The following TNRC6B variants were observed in gnomAD, a reference collection of about 807,000 sequenced individuals.
TNRC6B encodes the protein trinucleotide repeat-containing gene 6B protein.
Under a neutral mutation model 203.6 loss-of-function variants are expected in TNRC6B, and 52 were observed. That is an observed-to-expected ratio of 0.26 (90% CI 0.20 to 0.32). The LOEUF is 0.32. TNRC6B is among the 10% of genes least tolerant of loss of function. The probability of loss-of-function intolerance (pLI) is 1.00; values close to 1 mark genes in which losing one functional copy is unlikely to be tolerated. For synonymous variants in TNRC6B, 838 were observed against 845.7 expected (o/e 0.99, Z 0.16); for missense variants, 1,923 against 2,286.2 (o/e 0.84, Z 3.24).
intron 1 of TNRC6B, among the ~76,000 whole-genome samples, chr22:40,205,192 C>G (rs2069463645): frequency 6.6e-6 from 1 of 152,216 alleles, no homozygotes; most frequent in Non-Finnish European, 1.5e-5. Flanking sequence ...GATCTTTTGT[C>G]TGTTGCATTC....
In TNRC6B at chr22:40,251,164, CTGTT is replaced by C. The variant is rs1343413894; in HGVS notation, c.94-13_94-10del. ...AAAAGCAAATCTCATTTACTTTTATCTGTTTATTTTGCAGGTCACGGAACAAAAA... is the reference window on the plus strand; with the variant it reads ...AAAAGCAAATCTCATTTACTTTTATCTATTTTGCAGGTCACGGAACAAAAA... On this transcript the variant is annotated splice_polypyrimidine_tract_variant and intron_variant, in intron 2 of 22. Coordinates refer to ENST00000454349, the MANE Select transcript of TNRC6B (RefSeq NM_001162501.2). 6.5e-7 allele frequency: 1 copy of C among 1,531,742 alleles called. No individual in the cohort carries two copies. The highest frequency in any genetic ancestry group is 8.8e-7 in the Non-Finnish European group (1 of 1,136,326). The allele number at this position is 1,531,742 out of a possible 1,614,324, so 94.9% of individuals were successfully genotyped here. A position where few individuals can be genotyped will look rare whatever the true frequency, so the allele number is the denominator to read the frequency against.
chr22:40,221,565 G>C (rs2069708577), intron 1 of TNRC6B, among the ~76,000 whole-genome samples: 1 of 152,102 alleles, frequency 6.6e-6, no homozygotes, highest in Non-Finnish European at 1.5e-5. Context: ...TCAGCTTCCT[G>C]AGTAGCTGGG....
intron 4 of TNRC6B, among the ~76,000 whole-genome samples, chr22:40,162,055 G>T (rs140868189): frequency 2.6e-5 from 4 of 152,114 alleles, no homozygotes; most frequent in Admixed American, 6.6e-5. Flanking sequence ...TGGTCTAAAG[G>T]TTTGTGGGAA....
chr22:40,328,549 G>A lies in TNRC6B; in HGVS notation c.*5308G>A, dbSNP rs1423514588. ...TTTTACCACTTTTTTTTTTGGGTGA[G>A]GGGGTGATTTTTGTAAGGTTAACAG... is the stretch of plus-strand genomic sequence containing the variant. On this transcript the variant is annotated 3_prime_UTR_variant, in exon 23 of 23. Coordinates refer to ENST00000454349, the MANE Select transcript of TNRC6B (RefSeq NM_001162501.2). The A allele has an allele frequency of 4.6e-5, 7 of 152,088 alleles. No homozygotes were observed. Among genetic ancestry groups the A allele is most frequent in the African/African-American group, 1.7e-4 (7 of 41,502 alleles). The allele number at this position is 152,088 out of a possible 1,614,324, so 9.4% of individuals were successfully genotyped here. A position where few individuals can be genotyped will look rare whatever the true frequency, so the allele number is the denominator to read the frequency against.
intron 21 of TNRC6B, among the ~76,000 whole-genome samples, chr22:40,319,529 G>A (rs577847125): frequency 1.3e-5 from 2 of 151,004 alleles, no homozygotes; most frequent in East Asian, 2.0e-4. Flanking sequence ...GGGTTAATGC[G>A]GTTCTCATGT....
intron 15 of TNRC6B, among the ~76,000 whole-genome samples, chr22:40,304,080 A>T (rs939316106): frequency 1.3e-5 from 2 of 152,244 alleles, no homozygotes; most frequent in Non-Finnish European, 2.9e-5. Context: ...TTAAATGCCG[A>T]AGATGTAATG....
At chr22:40,148,324 G>GCAC (rs2068713095) in intron 3 of TNRC6B, among the ~76,000 whole-genome samples, 2 of 130,430 alleles carry the variant, frequency 1.5e-5, no homozygotes, top group Non-Finnish European at 3.1e-5. Context: ...TTGCTCTGTT[G>GCAC]CCAGGCTGCA....
In TNRC6B at chr22:40,178,079, A is replaced by G. The variant is rs908891877; in HGVS notation, c.-57A>G. The G allele has an allele frequency of 1.1e-5, 17 of 1,595,872 alleles. No individual in the cohort carries two copies. In the Admixed American group the frequency reaches 3.1e-4, roughly 29 times the overall value. ...GAATTCATTTTTTGGACCTTTTTTC[A>G]TTTCCATTTCTACCTTGTATGCCTC... On this transcript the variant is annotated 5_prime_UTR_variant, in exon 1 of 23. Transcript: ENST00000454349.
At chr22:40,301,061 T>C (rs1411056609) in intron 14 of TNRC6B, 56 bp downstream of exon 14, 1 of 1,579,744 alleles carries the variant, frequency 6.3e-7, no homozygotes, top group East Asian at 2.3e-5. Flanking sequence ...CATCCCGGCT[T>C]AGCCTCTGAT....
At chr22:40,250,682 C>T (rs2070179498) in intron 2 of TNRC6B, among the ~76,000 whole-genome samples, 1 of 152,080 alleles carries the variant, frequency 6.6e-6, no homozygotes, top group South Asian at 2.1e-4. Flanking sequence ...GGTCTCATAG[C>T]CAGAAAGTGA....
chr22:40,048,939 C>G (rs369130808), intron 1 of TNRC6B, among the ~76,000 whole-genome samples: 6 of 152,200 alleles, frequency 3.9e-5, no homozygotes, highest in South Asian at 2.1e-4. Context: ...CCCGCTCCCC[C>G]CTCCCAACTT....
chr22:40,087,988 C>T (rs181746816), intron 1 of TNRC6B, among the ~76,000 whole-genome samples: 38 of 152,224 alleles, frequency 2.5e-4, no homozygotes, highest in South Asian at 1.9e-3. Flanking sequence ...TCCTATTTCT[C>T]GAGGGTCCTT....
intron 1 of TNRC6B, among the ~76,000 whole-genome samples, chr22:40,114,543 G>A (rs1219798539): frequency 6.6e-6 from 1 of 151,972 alleles, no homozygotes; most frequent in Non-Finnish European, 1.5e-5. Context: ...GGCTGATCTC[G>A]AACTCCTGAG....
At chr22:40,144,103 T>C (rs2068669691) in intron 3 of TNRC6B, among the ~76,000 whole-genome samples, 1 of 152,156 alleles carries the variant, frequency 6.6e-6, no homozygotes, top group Admixed American at 6.5e-5. Context: ...ACTGGAACTT[T>C]TAGACATTGT....
At chr22:40,108,405 A>T (rs1389228907) in intron 1 of TNRC6B, among the ~76,000 whole-genome samples, 1 of 152,200 alleles carries the variant, frequency 6.6e-6, no homozygotes, top group South Asian at 2.1e-4. Context: ...TGTTCTTGGA[A>T]GTTAGGGCTT....
intron 12 of TNRC6B, among the ~76,000 whole-genome samples, chr22:40,293,190 C>CTTTTTTTTTTT (rs748230080): frequency 1.4e-4 from 11 of 79,452 alleles, no homozygotes; most frequent in Non-Finnish European, 2.3e-4. Flanking sequence ...ATATCCTTTT[C>CTTTTTTTTTTT]TTTTTTTTTT....
intron 1 of TNRC6B, among the ~76,000 whole-genome samples, chr22:40,079,276 T>C (rs2068046032): frequency 6.6e-6 from 1 of 152,100 alleles, no homozygotes; most frequent in Non-Finnish European, 1.5e-5. Flanking sequence ...CTGGAAGCTC[T>C]AAGATGCTTC....
In TNRC6B at chr22:40,150,460, G is replaced by A. The variant is rs184721217; in HGVS notation, c.46-5655G>A. Among the ~76,000 whole-genome samples, 553 of 152,140 alleles carry A rather than the reference G, an allele frequency of 3.6e-3. 7 individuals carry two copies. The highest frequency in any genetic ancestry group is 5.6e-3 in the Admixed American group (86 of 15,262). ...AAGTGAATAGAAGAAGAGATGAAGAGGATAAGAGATGCCCGACAAAGTTTT... is the reference window on the plus strand; with the variant it reads ...AAGTGAATAGAAGAAGAGATGAAGAAGATAAGAGATGCCCGACAAAGTTTT... On this transcript the variant is annotated intron_variant, in intron 3 of 23. Coordinates refer to the TNRC6B transcript ENST00000301923.
intron 5 of TNRC6B, among the ~76,000 whole-genome samples, 171 bp downstream of exon 5, chr22:40,267,207 C>G (rs1458764286): frequency 6.6e-6 from 1 of 152,218 alleles, no homozygotes; most frequent in Non-Finnish European, 1.5e-5. Flanking sequence ...ATGGCAGATG[C>G]TGGTAGTACA....
Sources: gnomAD v4.1 joint callset for allele counts (sites outside exome capture counted in the v4.1 genomes callset) on GRCh38, gnomAD v4.1.1 for gene constraint, MANE v1.5 for transcripts, NCBI Gene and HGNC (gene_info 2026-07-23, HGNC 2026-07-21) for gene names.